ANK2: variants seen among roughly 807,000 people sequenced by gnomAD.
ANK2 encodes the protein ankyrin 2.
ANK2 carries 83 observed loss-of-function variants against 360.5 expected under a neutral mutation model. The observed-to-expected ratio is 0.23, with a 90% CI of 0.19 to 0.28. The LOEUF (loss-of-function observed/expected upper bound fraction) is 0.28. ANK2 is among the 10% of genes least tolerant of loss of function. ANK2 has a pLI of 1.00. For synonymous variants in ANK2, 1,740 were observed against 1,759.5 expected (o/e 0.99, Z 0.28); for missense variants, 4,201 against 4,795.7 (o/e 0.88, Z 3.66).
chr4:113,313,563 A>G (rs1485962499), intron 24 of ANK2: 1 of 152,616 alleles, frequency 6.6e-6, no homozygotes, highest in Non-Finnish European at 1.5e-5. Context: ...GACAGACAGC[A>G]TCTCATTTTC....
chr4:112,894,312 T>C (rs2081088974), intron 1 of ANK2, among the ~76,000 whole-genome samples: 1 of 152,220 alleles, frequency 6.6e-6, no homozygotes, highest in African/African-American at 2.4e-5. Flanking sequence ...CATTCATTTA[T>C]ATAAATAGAA....
At chr4:113,035,889 A>G (rs544569040) in intron 2 of ANK2, among the ~76,000 whole-genome samples, 11 of 151,996 alleles carry the variant, frequency 7.2e-5, no homozygotes, top group South Asian at 2.1e-4. Context: ...TAGACGTTCA[A>G]ACATAGATTT....
At chr4:112,880,034 T>C (rs142259129) in intron 1 of ANK2, among the ~76,000 whole-genome samples, 184 of 151,008 alleles carry the variant, frequency 1.2e-3, no homozygotes, top group African/African-American at 4.1e-3. Flanking sequence ...TTTAACCCAG[T>C]AGGACACAGA....
chr4:113,207,144 GA>G (rs2098961470), intron 4 of ANK2, among the ~76,000 whole-genome samples: 1 of 151,970 alleles, frequency 6.6e-6, no homozygotes. Flanking sequence ...CATCCTAAAA[GA>G]CAATAATATT....
chr4:113,088,830 G>A (rs1657823066), intron 1 of ANK2, among the ~76,000 whole-genome samples: 1 of 152,130 alleles, frequency 6.6e-6, no homozygotes, highest in Non-Finnish European at 1.5e-5. Context: ...TCTGTGAATT[G>A]GATCCAGATC....
At chr4:113,165,064 G>A (rs1280563460) in intron 1 of ANK2, among the ~76,000 whole-genome samples, 3 of 151,958 alleles carry the variant, frequency 2.0e-5, no homozygotes, top group Admixed American at 6.6e-5. Flanking sequence ...TTGGATATTT[G>A]TGTACAATAT....
the ANK2 span, among the ~76,000 whole-genome samples, chr4:112,731,134 T>G: frequency 9.1e-4 from 135 of 148,140 alleles, no homozygotes; most frequent in Middle Eastern, 3.5e-3. Context: ...AGCAAGACTC[T>G]GTCTAAAAAA....
At chr4:113,166,933 C>A (rs1021463736) in intron 1 of ANK2, among the ~76,000 whole-genome samples, 2 of 151,970 alleles carry the variant, frequency 1.3e-5, no homozygotes, top group African/African-American at 4.8e-5. Flanking sequence ...AATTACAAAG[C>A]CTCATGAATA....
the ANK2 span, among the ~76,000 whole-genome samples, chr4:112,791,732 C>G: frequency 6.6e-6 from 1 of 151,982 alleles, no homozygotes; most frequent in Non-Finnish European, 1.5e-5. Flanking sequence ...GACTTGTGAT[C>G]CGCCCACCTC....
chr4:113,052,389 G>A (rs2067452534), intron 1 of ANK2, among the ~76,000 whole-genome samples: 1 of 152,122 alleles, frequency 6.6e-6, no homozygotes, highest in Non-Finnish European at 1.5e-5. Context: ...GCTCACTATG[G>A]CCTGGGTGTG....
intron 23 of ANK2, among the ~76,000 whole-genome samples, chr4:113,304,628 T>G (rs140096911): frequency 6.6e-6 from 1 of 152,186 alleles, no homozygotes; most frequent in African/African-American, 2.4e-5. Context: ...TTAGTTGACA[T>G]TGAGCTAGTG....
intron 1 of ANK2, among the ~76,000 whole-genome samples, chr4:112,872,340 A>ATTT (rs112456773): frequency 7.2e-6 from 1 of 138,758 alleles, no homozygotes; most frequent in African/African-American, 2.6e-5. Flanking sequence ...TTGCATCTGT[A>ATTT]TTTTTTTTTT....
chr4:112,958,911 T>C (rs2033058953), intron 2 of ANK2, among the ~76,000 whole-genome samples: 1 of 151,904 alleles, frequency 6.6e-6, no homozygotes, highest in African/African-American at 2.4e-5. Flanking sequence ...TGCGATGGCA[T>C]GATCTTGGCT....
chr4:113,264,630 G>T (rs1268677280), intron 13 of ANK2, among the ~76,000 whole-genome samples: 1 of 151,720 alleles, frequency 6.6e-6, no homozygotes, highest in African/African-American at 2.4e-5. Context: ...GCTGAGGCAA[G>T]AGAATCGCTT....
intron 1 of ANK2, among the ~76,000 whole-genome samples, chr4:112,821,511 A>AT (rs934885487): frequency 5.8e-4 from 81 of 138,930 alleles, no homozygotes; most frequent in Middle Eastern, 3.5e-3. Flanking sequence ...TTTTTTTTTT[A>AT]TTTTTTTTTT....
intron 23 of ANK2, among the ~76,000 whole-genome samples, chr4:113,305,798 G>A (rs2077017353): frequency 6.6e-6 from 1 of 152,116 alleles, no homozygotes; most frequent in Non-Finnish European, 1.5e-5. Context: ...TTTCTCTACA[G>A]TCTATTGTTT....
chr4:113,360,983 C>G (rs1425913241), intron 39 of ANK2, 86 bp downstream of exon 39: 2 of 1,194,666 alleles, frequency 1.7e-6, no homozygotes, highest in African/African-American at 1.5e-5. Flanking sequence ...AGGTACCCCC[C>G]ACTTTCTTGA....
chr4:113,060,139 T>C (rs1163972944), intron 1 of ANK2, among the ~76,000 whole-genome samples: 1 of 152,126 alleles, frequency 6.6e-6, no homozygotes, highest in Non-Finnish European at 1.5e-5. Context: ...GACAGTCAAA[T>C]AGGGGTCTTC....
chr4:112,798,916 T>C, the ANK2 span, among the ~76,000 whole-genome samples: 1 of 152,230 alleles, frequency 6.6e-6, no homozygotes, highest in Admixed American at 6.5e-5. Context: ...ATTACCACTA[T>C]CTGTCTCCAG....
Sources: allele counts gnomAD v4.1 joint callset (sites outside exome capture counted in the v4.1 genomes callset), GRCh38; gene constraint gnomAD v4.1.1; transcripts MANE v1.5; gene names NCBI Gene and HGNC (gene_info 2026-07-23, HGNC 2026-07-21).